Variants in MTSS1 observed in about 807,000 individuals in gnomAD.
The protein encoded by MTSS1 is MTSS I-BAR domain containing 1, also known as protein MTSS 1.
A neutral mutation model predicts 79.0 loss-of-function variants in MTSS1; 18 were observed. The observed-to-expected ratio is 0.23, with a 90% CI of 0.16 to 0.34. The LOEUF (loss-of-function observed/expected upper bound fraction) is 0.34. Among genes scored for constraint, MTSS1 ranks in the 10% least tolerant of loss-of-function variants. The pLI, the probability that MTSS1 is intolerant of heterozygous loss-of-function variation, is 1.00. For missense variants in MTSS1, 815 were observed against 986.2 expected, an observed-to-expected ratio of 0.83 and a Z score of 2.33; for synonymous variants, 341 against 368.6, an observed-to-expected ratio of 0.93 and a Z score of 0.86.
intron 6 of MTSS1, among the ~76,000 whole-genome samples, chr8:124,572,886 AC>A (rs1828131813): frequency 7.5e-6 from 1 of 133,900 alleles, no homozygotes; most frequent in South Asian, 2.6e-4. Flanking sequence ...AGCTGGGATT[AC>A]AGGCATGTAC....
chr8:124,560,599 T>C (rs1459731275), intron 10 of MTSS1, among the ~76,000 whole-genome samples: 2 of 152,130 alleles, frequency 1.3e-5, no homozygotes, highest in African/African-American at 2.4e-5. Flanking sequence ...TACAGTGACC[T>C]ATGATCCCGC....
At position 124,610,588 on chromosome 8, in the gene MTSS1, T is replaced by A. The variant is rs549428187; in HGVS notation, c.209-19353A>T. Reference sequence around the variant, plus strand: ...ATGAGACCTTAGGGGTAACCTAGTTTCACATGACACCAGAATTTCTTCTTT... The same window carrying A: ...ATGAGACCTTAGGGGTAACCTAGTTACACATGACACCAGAATTTCTTCTTT... On this transcript the variant is annotated intron_variant, in intron 3 of 13. Coordinates refer to ENST00000518547, the MANE Select transcript of MTSS1 (RefSeq NM_014751.6). Among the ~76,000 whole-genome samples the A allele has an allele frequency of 3.9e-5, 6 of 152,308 alleles. No individual in the cohort carries two copies. In the South Asian group the frequency reaches 1.0e-3, roughly 26 times the overall value.
At chr8:124,619,083 A>C (rs956906352) in intron 3 of MTSS1, among the ~76,000 whole-genome samples, 1 of 152,254 alleles carries the variant, frequency 6.6e-6, no homozygotes, top group Admixed American at 6.5e-5. Flanking sequence ...TAAAGTTAAC[A>C]GACAAAAAGG....
intron 3 of MTSS1, among the ~76,000 whole-genome samples, chr8:124,655,247 C>A (rs1820730747): frequency 6.6e-6 from 1 of 152,232 alleles, no homozygotes; most frequent in African/African-American, 2.4e-5. Flanking sequence ...GTCTGCTGAC[C>A]CTCCCAGGGG....
At chr8:124,696,964 G>A (rs917611526) in intron 3 of MTSS1, among the ~76,000 whole-genome samples, 1 of 152,000 alleles carries the variant, frequency 6.6e-6, no homozygotes, top group African/African-American at 2.4e-5. Context: ...CATCACTTCT[G>A]CAGTGAGGCT....
intron 3 of MTSS1, among the ~76,000 whole-genome samples, chr8:124,608,083 C>G (rs1194672214): frequency 6.6e-6 from 1 of 151,952 alleles, no homozygotes; most frequent in Non-Finnish European, 1.5e-5. Context: ...TTCTAGCACC[C>G]TGATGACCTT....
At chr8:124,722,007 G>T (rs1048561560) in intron 1 of MTSS1, among the ~76,000 whole-genome samples, 1 of 152,176 alleles carries the variant, frequency 6.6e-6, no homozygotes, top group African/African-American at 2.4e-5. Context: ...AAAACCTGCT[G>T]CCCACCTCCA....
intron 3 of MTSS1, among the ~76,000 whole-genome samples, chr8:124,698,714 G>A (rs1343469377): frequency 1.3e-5 from 2 of 152,058 alleles, no homozygotes; most frequent in African/African-American, 4.8e-5. Context: ...GTTTCGCCAT[G>A]TTGGCCAGGC....
chr8:124,648,709 G>GCCCCCCCCCC (rs565378341), intron 3 of MTSS1, among the ~76,000 whole-genome samples: 1 of 147,776 alleles, frequency 6.8e-6, no homozygotes, highest in African/African-American at 2.6e-5. Context: ...CCAAATAGCA[G>GCCCCCCCCCC]CCCCCCCCCA....
At chr8:124,696,865 GA>G (rs997374252) in intron 3 of MTSS1, among the ~76,000 whole-genome samples, 10 of 143,524 alleles carry the variant, frequency 7.0e-5, no homozygotes, top group East Asian at 2.0e-4. Context: ...AAAAAAAAAA[GA>G]AAAAAAAATG....
chr8:124,651,136 G>A (rs1819882635), intron 3 of MTSS1, among the ~76,000 whole-genome samples: 1 of 152,316 alleles, frequency 6.6e-6, no homozygotes, highest in Middle Eastern at 3.4e-3. Context: ...GTCTTCTCGT[G>A]TGTACTGTCG....
At chr8:124,557,319 C>A (rs185885973) in intron 11 of MTSS1, among the ~76,000 whole-genome samples, 4 of 152,302 alleles carry the variant, frequency 2.6e-5, no homozygotes, top group African/African-American at 9.6e-5. Context: ...ATGCTGACAC[C>A]CTCAGGTGGC....
chr8:124,599,139 C>T (rs1237167610), intron 3 of MTSS1, among the ~76,000 whole-genome samples: 4 of 152,192 alleles, frequency 2.6e-5, no homozygotes, highest in African/African-American at 9.7e-5. Flanking sequence ...CAGCAGCTCC[C>T]GTTCCCCCAC....
Position 124,589,627 on chromosome 8 carries a change from G to A in MTSS1, c.378C>T (p.His126=), listed in dbSNP as rs202019884. Residue 126 remains histidine, a synonymous_variant, in exon 5 of 14, where the codon CAC becomes CAT. Transcript: ENST00000518547. ...KKVANQLDKD[H]AKEYKKARQE... ...GACATCTCGCCCCTGTACCTTTTGC[G>A]TGGTCTTTATCCAGCTGGTTGGCCA... 89 of 1,612,678 alleles carry A rather than the reference G, an allele frequency of 5.5e-5. No individual in the cohort carries two copies. The highest frequency in any genetic ancestry group is 4.5e-4 in the South Asian group (41 of 90,836).
intron 6 of MTSS1, 187 bp from the exon 7 acceptor site, chr8:124,568,723 A>T: frequency 1.3e-6 from 2 of 1,487,486 alleles, no homozygotes; most frequent in Admixed American, 4.2e-5. Flanking sequence ...CCAATTTTCA[A>T]TGCCCAAAGG....
chr8:124,720,832 G>A (rs1381584713), intron 1 of MTSS1, among the ~76,000 whole-genome samples: 1 of 152,208 alleles, frequency 6.6e-6, no homozygotes. Context: ...CATTTGAGTG[G>A]ACGTTCGCCA....
intron 6 of MTSS1, among the ~76,000 whole-genome samples, chr8:124,571,897 G>A (rs570695302): frequency 2.8e-4 from 42 of 152,178 alleles, no homozygotes; most frequent in Non-Finnish European, 5.1e-4. Flanking sequence ...CTGGGAGGGG[G>A]AGGTTGCAGT....
intron 6 of MTSS1, among the ~76,000 whole-genome samples, chr8:124,573,489 G>A (rs1238958731): frequency 6.6e-6 from 1 of 152,196 alleles, no homozygotes; most frequent in Non-Finnish European, 1.5e-5. Flanking sequence ...AGTCCCACGG[G>A]GGCAGAACCC....
chr8:124,568,013 A>C, intron 7 of MTSS1: 2 of 1,235,564 alleles, frequency 1.6e-6, no homozygotes, highest in Non-Finnish European at 2.1e-6. Context: ...TTTAAAACAC[A>C]GACGACTGGG....
Sources: allele counts gnomAD v4.1 joint callset (sites outside exome capture counted in the v4.1 genomes callset), GRCh38; gene constraint gnomAD v4.1.1; transcripts MANE v1.5; gene names NCBI Gene and HGNC (gene_info 2026-07-23, HGNC 2026-07-21).